CPNE4: variants seen among roughly 807,000 people sequenced by gnomAD.
CPNE4 encodes copine-4.
Under a neutral mutation model 67.9 loss-of-function variants are expected in CPNE4, and 25 were observed. That is an observed-to-expected ratio of 0.37 (90% CI 0.27 to 0.51). The LOEUF (loss-of-function observed/expected upper bound fraction) is 0.51, where lower values mean the gene tolerates loss of function less well. Among genes scored for constraint, CPNE4 ranks in the 20% least tolerant of loss-of-function variants. The pLI is 0.93. For synonymous variants in CPNE4, 242 were observed against 244.9 expected (o/e 0.99, Z 0.11); for missense variants, 464 against 690.8 (o/e 0.67, Z 3.68).
intron 2 of CPNE4, among the ~76,000 whole-genome samples, chr3:131,863,883 T>C (rs888569552): frequency 6.6e-6 from 1 of 152,232 alleles, no homozygotes; most frequent in Non-Finnish European, 1.5e-5. Flanking sequence ...AATTTTTGTA[T>C]AAGGTGTAAG....
At chr3:131,987,076 C>G (rs1156563546) in intron 1 of CPNE4, among the ~76,000 whole-genome samples, 1 of 152,176 alleles carries the variant, frequency 6.6e-6, no homozygotes, top group Non-Finnish European at 1.5e-5. Flanking sequence ...CATAAAAACA[C>G]TTCTCAAATT....
intron 2 of CPNE4, among the ~76,000 whole-genome samples, chr3:131,836,623 T>C (rs1306401050): frequency 1.3e-5 from 2 of 152,234 alleles, no homozygotes; most frequent in Non-Finnish European, 2.9e-5. Flanking sequence ...GAAATATAGT[T>C]TGAAAAGGAA....
At chr3:131,556,235 A>G (rs1936449602) in intron 11 of CPNE4, among the ~76,000 whole-genome samples, 1 of 151,962 alleles carries the variant, frequency 6.6e-6, no homozygotes, top group African/African-American at 2.4e-5. Flanking sequence ...TTAGCTGGGC[A>G]TGGTGGTGCA....
intron 2 of CPNE4, among the ~76,000 whole-genome samples, chr3:131,790,368 AG>A (rs905269307): frequency 6.6e-6 from 1 of 152,112 alleles, no homozygotes; most frequent in African/African-American, 2.4e-5. Context: ...CACCTTCCCC[AG>A]GGGTGCTTCT....
intron 10 of CPNE4, among the ~76,000 whole-genome samples, chr3:131,574,111 T>C (rs911245611): frequency 2.0e-5 from 3 of 152,074 alleles, no homozygotes; most frequent in Admixed American, 1.3e-4. Flanking sequence ...GCCCAAAGCT[T>C]GACTAAAAAT....
chr3:131,957,145 G>A (rs1187210604), intron 1 of CPNE4, among the ~76,000 whole-genome samples: 1 of 152,164 alleles, frequency 6.6e-6, no homozygotes, highest in Non-Finnish European at 1.5e-5. Flanking sequence ...AGAAACTGCT[G>A]ACGTCTATTC....
intron 2 of CPNE4, among the ~76,000 whole-genome samples, chr3:131,749,875 T>C (rs189006852): frequency 1.4e-3 from 219 of 152,310 alleles, no homozygotes; most frequent in African/African-American, 4.7e-3. Flanking sequence ...TACCTGAGAC[T>C]GGGTGATTTC....
chr3:131,932,259 G>C (rs893163658), intron 1 of CPNE4, among the ~76,000 whole-genome samples: 1 of 152,160 alleles, frequency 6.6e-6, no homozygotes, highest in African/African-American at 2.4e-5. Flanking sequence ...CAAGGTCACA[G>C]TATAGAATCC....
intron 1 of CPNE4, among the ~76,000 whole-genome samples, chr3:131,980,092 A>C (rs1413399393): frequency 6.6e-6 from 1 of 152,150 alleles, no homozygotes; most frequent in Non-Finnish European, 1.5e-5. Context: ...TTTCCTTTAC[A>C]TGTTACCTGG....
At chr3:131,591,291 G>C (rs1246810175) in intron 7 of CPNE4, among the ~76,000 whole-genome samples, 1 of 152,148 alleles carries the variant, frequency 6.6e-6, no homozygotes, top group Non-Finnish European at 1.5e-5. Flanking sequence ...CCTTTGGAAG[G>C]AGCAAATAAA....
chr3:131,852,954 AT>A (rs1157573706), intron 2 of CPNE4, among the ~76,000 whole-genome samples: 1 of 151,804 alleles, frequency 6.6e-6, no homozygotes, highest in Non-Finnish European at 1.5e-5. Flanking sequence ...GTTAAGAGAA[AT>A]TTTTTAAATA....
intron 2 of CPNE4, among the ~76,000 whole-genome samples, chr3:131,768,046 C>G (rs1443909815): frequency 3.3e-5 from 5 of 152,016 alleles, no homozygotes; most frequent in African/African-American, 1.2e-4. Context: ...ATCCAAATAC[C>G]TAGTGGAAGA....
chr3:131,753,673 A>C (rs1034533324), intron 2 of CPNE4, among the ~76,000 whole-genome samples: 19 of 152,298 alleles, frequency 1.2e-4, no homozygotes, highest in African/African-American at 4.6e-4. Context: ...ATATTTCAGA[A>C]TGCTCAAAGT....
chr3:132,005,505 G>C (rs2073575947), intron 1 of CPNE4, among the ~76,000 whole-genome samples: 1 of 151,720 alleles, frequency 6.6e-6, no homozygotes, highest in Admixed American at 6.6e-5. Flanking sequence ...TGGTCAACAT[G>C]TGTGAAGGGA....
chr3:131,702,905 G>A (rs114933525), intron 3 of CPNE4, among the ~76,000 whole-genome samples: 2,715 of 152,284 alleles, frequency 0.018, 93 homozygotes, highest in African/African-American at 0.062. Context: ...CTTAGGAAAT[G>A]GGCATTTGGG....
chr3:131,868,437 A>T (rs904542455), intron 2 of CPNE4, among the ~76,000 whole-genome samples: 7 of 152,234 alleles, frequency 4.6e-5, no homozygotes, highest in African/African-American at 1.7e-4. Context: ...CACGTGGAGA[A>T]TGGCGAAGCA....
intron 4 of CPNE4, 49 bp from the exon 5 acceptor site, chr3:131,696,665 C>T (rs1344390517): frequency 4.6e-6 from 7 of 1,538,094 alleles, no homozygotes; most frequent in Non-Finnish European, 4.5e-6. Flanking sequence ...AACTCCTTAG[C>T]TCCAGAACCC....
At chr3:132,005,348 C>T (rs111443624) in intron 1 of CPNE4, among the ~76,000 whole-genome samples, 4,927 of 15,888 alleles carry the variant, frequency 0.31, 210 homozygotes, top group African/African-American at 0.41. Flanking sequence ...TATATACACA[C>T]ACACACACAC....
chr3:131,983,118 G>T (rs1166994216), intron 1 of CPNE4, among the ~76,000 whole-genome samples: 2 of 151,866 alleles, frequency 1.3e-5, no homozygotes, highest in Non-Finnish European at 2.9e-5. Context: ...TAAGTTTTAG[G>T]CTTTCTGATT....
Sources: gnomAD v4.1 joint callset for allele counts (sites outside exome capture counted in the v4.1 genomes callset) on GRCh38, gnomAD v4.1.1 for gene constraint, MANE v1.5 for transcripts, NCBI Gene and HGNC (gene_info 2026-07-23, HGNC 2026-07-21) for gene names.